Variants in ABCA7 observed in about 807,000 individuals in gnomAD.
ABCA7 encodes ATP binding cassette subfamily A member 7.
In ABCA7, 261 loss-of-function variants were observed where a neutral mutation model predicts 227.6. The ratio of observed to expected loss-of-function variants is 1.15; its 90% CI spans 1.04 to 1.27. The LOEUF (loss-of-function observed/expected upper bound fraction) is 1.27. ABCA7 is among the 50% of genes most tolerant of loss of function. ABCA7 has a pLI of 0.00. For synonymous variants in ABCA7, 1,488 were observed against 1,279.7 expected, an observed-to-expected ratio of 1.16 and a Z score of -3.47; for missense variants, 3,331 against 2,924.5, an observed-to-expected ratio of 1.14 and a Z score of -3.21.
At position 1,047,389 on chromosome 19, in the gene ABCA7, G is replaced by C. The variant is rs779410941; in HGVS notation, c.2067+11G>C. 3 of 1,559,808 alleles carry C rather than the reference G, an allele frequency of 1.9e-6. No individual in the cohort carries two copies. The South Asian group carries it at 3.4e-5, about 18-fold the overall frequency. On this transcript the variant is annotated intron_variant, in intron 15 of 46. Transcript: ENST00000263094. ...GGCCGCGTGGCCGCGGTGAGAGCCG[G>C]GTCGGGCGTGGATGGGGGACGCCCC...
Position 1,049,025 on chromosome 19 carries a change from A to G in ABCA7, c.2380+20A>G, listed in dbSNP as rs1487454805. 6.9e-7 allele frequency: 1 copy of G among 1,449,306 alleles called. No homozygotes were observed. The allele number at this position is 1,449,306 out of a possible 1,614,324, so 89.8% of individuals were successfully genotyped here. A position where few individuals can be genotyped will look rare whatever the true frequency, so the allele number is the denominator to read the frequency against. ...CAAAGGGTGAGGCACTACGAGGCTT[A>G]ATAGCTGGTTGTCCACATATGCCCA... On this transcript the variant is annotated intron_variant, in intron 17 of 46. Coordinates refer to ENST00000263094, the MANE Select transcript of ABCA7 (RefSeq NM_019112.4).
intron 1 of ABCA7, among the ~76,000 whole-genome samples, chr19:1,040,604 A>G (rs944071809): frequency 6.6e-6 from 1 of 152,112 alleles, no homozygotes; most frequent in African/African-American, 2.4e-5. Context: ...CAGATTCTCC[A>G]TCTGTGTCAG....
intron 14 of ABCA7, 59 bp downstream of exon 14, chr19:1,047,083 G>A (rs2040764737): frequency 6.4e-7 from 1 of 1,552,564 alleles, no homozygotes; most frequent in African/African-American, 1.4e-5. Flanking sequence ...TGACAGACAG[G>A]GGCGGCCCCA....
Position 1,051,510 on chromosome 19 carries a change from C to A in ABCA7, c.2886C>A (p.Ile962=), listed in dbSNP as rs747765901. The change falls in exon 21 of 47, where the codon ATC becomes ATA. Residue 962 remains isoleucine, a synonymous_variant. Coordinates refer to ENST00000263094, the MANE Select transcript of ABCA7 (RefSeq NM_019112.4). ...IAFVGGSQVV[I]LDEPTAGVDP... is the part of the protein sequence containing the mutation. ...TTGTGGGCGGCTCCCAAGTTGTTAT[C>A]CTGGACGAGCCTACGGCTGGCGTGG... 1 of 1,612,694 alleles carries A rather than the reference C, an allele frequency of 6.2e-7. No homozygotes were observed. The highest frequency in any genetic ancestry group is 1.1e-5 in the South Asian group (1 of 91,086).
intron 40 of ABCA7, 108 bp downstream of exon 40, chr19:1,059,193 A>C (rs1341021454): frequency 8.8e-7 from 1 of 1,137,982 alleles, no homozygotes; most frequent in Non-Finnish European, 1.2e-6. Flanking sequence ...ACCACCTTTT[A>C]TTGGGCACCT....
At chr19:1,046,497 G>T (rs1455566595) in intron 13 of ABCA7, 91 bp downstream of exon 13, 47 of 1,484,308 alleles carry the variant, frequency 3.2e-5, no homozygotes, top group Non-Finnish European at 4.2e-5. Flanking sequence ...ACCTTCCTGC[G>T]GTCCAGGCTG....
chr19:1,064,867 A>C (rs1873964689), intron 45 of ABCA7, 64 bp from the exon 46 acceptor site: 2 of 1,508,238 alleles, frequency 1.3e-6, no homozygotes, highest in Non-Finnish European at 1.8e-6. Context: ...TAGGGGCTGG[A>C]GGGTGAGCTG....
intron 13 of ABCA7, 37 bp from the exon 14 acceptor site, chr19:1,046,765 G>T: frequency 1.3e-6 from 2 of 1,523,398 alleles, no homozygotes; most frequent in East Asian, 2.5e-5. Flanking sequence ...GGTCTGCGGA[G>T]GGTCTCCAGC....
In ABCA7 at chr19:1,061,290, C is replaced by T. The variant is rs1052321362; in HGVS notation, c.5464-492C>T. Among the ~76,000 whole-genome samples, 9 of 149,604 alleles carry T rather than the reference C, an allele frequency of 6.0e-5. No homozygotes were observed. The South Asian group carries it at 8.5e-4, about 14-fold the overall frequency. The stretch of plus-strand genomic sequence containing the variant: ...CACACGCCTGTAGTCCCAGCTACTC[C>T]GGAGCCTGAGACAGGAGAATTGCTT... On this transcript the variant is annotated intron_variant, in intron 40 of 46. Transcript: ENST00000263094.
At chr19:1,058,306 ATAGC>A (rs748346130) in intron 37 of ABCA7, 37 bp downstream of exon 37, 1 of 1,610,486 alleles carries the variant, frequency 6.2e-7, no homozygotes, top group African/African-American at 1.3e-5. Flanking sequence ...ATGGCTACAG[ATAGC>A]TAGCACCCTT....
chr19:1,050,540 G>A (rs1432766582), intron 18 of ABCA7, among the ~76,000 whole-genome samples: 1 of 152,058 alleles, frequency 6.6e-6, no homozygotes, highest in Non-Finnish European at 1.5e-5. Context: ...GGGGGGCCGA[G>A]GCGGGTGGAT....
At chr19:1,048,824 CAAAA>C in intron 16 of ABCA7, 67 bp from the exon 17 acceptor site, 2 of 587,100 alleles carry the variant, frequency 3.4e-6, no homozygotes, top group South Asian at 5.9e-5. Context: ...AAAAAAAAAA[CAAAA>C]CCCCAAAAAA....
In ABCA7 at chr19:1,047,520, A is replaced by C. The variant is rs1568281121; in HGVS notation, c.2135A>C (p.Glu712Ala). The C allele has an allele frequency of 6.3e-7, 1 of 1,591,640 alleles. No individual in the cohort carries two copies. The highest frequency in any genetic ancestry group is 1.1e-5 in the South Asian group (1 of 89,436). Residue 712 changes from glutamate (E) to alanine (A), a missense_variant, in exon 16 of 47, where the codon GAG becomes GCG. Glu to Ala is a moderately radical substitution (Grantham distance 107). Coordinates refer to ENST00000263094, the MANE Select transcript of ABCA7 (RefSeq NM_019112.4). ...CTGGCTCTGCTGGAGGAGCAGGGCG[A>C]GGGCGCGCAGTGGCACAACGTGGGC... Reference protein sequence around the residue: ...ESLALLEEQGEGAQWHNVGTR... With the variant: ...ESLALLEEQGAGAQWHNVGTR...
intron 40 of ABCA7, 102 bp from the exon 41 acceptor site, chr19:1,061,680 C>G (rs1035588653): frequency 4.4e-6 from 5 of 1,129,340 alleles, no homozygotes; most frequent in Non-Finnish European, 6.1e-6. Flanking sequence ...GCCTGGGAAA[C>G]AAGAGCAAAA....
In ABCA7 at chr19:1,048,881, G is replaced by A. The variant is rs546722673; in HGVS notation, c.2270-14G>A. ...GGGGGTGGGCTAAGCAATAACCCGC[G>A]CCCCTCCCCGCAGGCCAGTACGGGA... is the stretch of plus-strand genomic sequence containing the variant. On this transcript the variant is annotated splice_polypyrimidine_tract_variant and intron_variant, in intron 16 of 46. Coordinates refer to ENST00000263094, the MANE Select transcript of ABCA7 (RefSeq NM_019112.4). The A allele has an allele frequency of 3.4e-5, 52 of 1,534,444 alleles. No individual in the cohort carries two copies. In the African/African-American group the frequency reaches 6.1e-4, roughly 18 times the overall value.
intron 44 of ABCA7, 43 bp from the exon 45 acceptor site, chr19:1,064,118 G>A: frequency 1.3e-6 from 2 of 1,510,258 alleles, no homozygotes; most frequent in South Asian, 2.5e-5. Flanking sequence ...CCAGGCACAG[G>A]TGGCCCCGGC....
At chr19:1,046,040 C>T (rs28680440) in intron 12 of ABCA7, among the ~76,000 whole-genome samples, 190 bp from the exon 13 acceptor site, 10,510 of 152,198 alleles carry the variant, frequency 0.069, 1,213 homozygotes, top group African/African-American at 0.24. Flanking sequence ...ATTAGCCAGG[C>T]GACTTGGGAG....
At chr19:1,053,586 G>A (rs1470953496) in intron 24 of ABCA7, 55 bp downstream of exon 24, 1 of 1,541,054 alleles carries the variant, frequency 6.5e-7, no homozygotes, top group African/African-American at 1.4e-5. Flanking sequence ...TCCTGGAGGA[G>A]GTGGTGTTTT....
chr19:1,044,740 C>G lies in ABCA7; in HGVS notation c.1211C>G (p.Thr404Arg). The G allele has an allele frequency of 1.2e-6, 2 of 1,604,958 alleles. No individual in the cohort carries two copies. The highest frequency in any genetic ancestry group is 1.7e-6 in the Non-Finnish European group (2 of 1,177,070). The change falls in exon 11 of 47, where the codon ACG (threonine) becomes AGG (arginine). Residue 404 changes from threonine to arginine, a missense_variant. By Grantham distance (71) the Thr-to-Arg change is moderately conservative. Coordinates refer to ENST00000263094, the MANE Select transcript of ABCA7 (RefSeq NM_019112.4). ...CTGGTGGGCACGCTGGGCCGAGTGA[C>G]GGAGGTGAGGGCCTGTCCACCTGCG... is the stretch of plus-strand genomic sequence containing the variant. ...GHLVGTLGRV[T>R]ECLSLDKLEA...
Sources: gnomAD v4.1 joint callset for allele counts (sites outside exome capture counted in the v4.1 genomes callset) on GRCh38, gnomAD v4.1.1 for gene constraint, MANE v1.5 for transcripts, NCBI Gene and HGNC (gene_info 2026-07-23, HGNC 2026-07-21) for gene names.